Variants in RALYL observed in about 807,000 individuals in gnomAD.
RALYL encodes the protein RALY RNA binding protein like, also known as RNA-binding Raly-like protein.
RALYL carries 29 observed loss-of-function variants against 35.1 expected under a neutral mutation model. The observed-to-expected ratio is 0.83, with a 90% CI of 0.61 to 1.13. The LOEUF (loss-of-function observed/expected upper bound fraction) is 1.13. RALYL is among the 50% of genes most tolerant of loss of function. RALYL has a pLI of 0.00. For synonymous variants in RALYL, 120 were observed against 127.6 expected, an observed-to-expected ratio of 0.94 and a Z score of 0.40; for missense variants, 359 against 360.4, an observed-to-expected ratio of 1.00 and a Z score of 0.03.
At chr8:84,853,239 A>G (rs914824838) in intron 5 of RALYL, among the ~76,000 whole-genome samples, 5 of 152,152 alleles carry the variant, frequency 3.3e-5, no homozygotes, top group Non-Finnish European at 7.3e-5. Context: ...TGCCTCTGAC[A>G]TGGTAACTAG....
intron 5 of RALYL, among the ~76,000 whole-genome samples, chr8:84,850,447 G>A (rs146694021): frequency 7.9e-5 from 12 of 152,268 alleles, no homozygotes; most frequent in African/African-American, 2.6e-4. Context: ...TTTACAGATC[G>A]TTCCTGCTTT....
At chr8:84,736,832 T>G (rs1159854230) in intron 2 of RALYL, among the ~76,000 whole-genome samples, 1 of 152,082 alleles carries the variant, frequency 6.6e-6, no homozygotes, top group Non-Finnish European at 1.5e-5. Context: ...TGTTATCTAC[T>G]TCATGATAGA....
intron 1 of RALYL, among the ~76,000 whole-genome samples, chr8:84,464,130 A>G (rs1218454116): frequency 7.8e-6 from 1 of 128,086 alleles, no homozygotes; most frequent in East Asian, 2.3e-4. Flanking sequence ...CATTAAAACA[A>G]GTTTTTTTTT....
chr8:84,630,880 A>C (rs1024965253), intron 2 of RALYL, among the ~76,000 whole-genome samples: 1 of 152,052 alleles, frequency 6.6e-6, no homozygotes, highest in Non-Finnish European at 1.5e-5. Context: ...GCAAGAAGAA[A>C]AACTTGCAAA....
At chr8:84,651,736 T>C (rs1175329009) in intron 2 of RALYL, among the ~76,000 whole-genome samples, 1 of 151,974 alleles carries the variant, frequency 6.6e-6, no homozygotes, top group African/African-American at 2.4e-5. Context: ...AAATAGACTT[T>C]TGAGAGAAAG....
At chr8:84,345,128 C>A (rs1310010276) in intron 1 of RALYL, among the ~76,000 whole-genome samples, 1 of 148,164 alleles carries the variant, frequency 6.7e-6, no homozygotes, top group Non-Finnish European at 1.5e-5. Context: ...AACTTCCATA[C>A]AGTTTCCCAT....
chr8:84,533,476 A>G (rs2059399872), intron 2 of RALYL, among the ~76,000 whole-genome samples: 1 of 152,200 alleles, frequency 6.6e-6, no homozygotes, highest in Admixed American at 6.5e-5. Context: ...CTATAAATAA[A>G]CATTTGCAAT....
intron 1 of RALYL, among the ~76,000 whole-genome samples, chr8:84,200,784 G>A (rs1323030909): frequency 6.6e-6 from 1 of 152,076 alleles, no homozygotes; most frequent in Non-Finnish European, 1.5e-5. Context: ...CTTTTAATGG[G>A]GGGATGGGAT....
At chr8:84,717,561 C>A (rs1272702823) in intron 2 of RALYL, among the ~76,000 whole-genome samples, 8 of 151,992 alleles carry the variant, frequency 5.3e-5, no homozygotes. Context: ...TTAATATTTA[C>A]CAATATTAAC....
intron 1 of RALYL, among the ~76,000 whole-genome samples, chr8:84,247,745 A>T (rs759331854): frequency 6.4e-4 from 97 of 152,310 alleles, no homozygotes; most frequent in Non-Finnish European, 1.1e-3. Flanking sequence ...AGACACGTCT[A>T]ATCGAAGTGA....
intron 1 of RALYL, among the ~76,000 whole-genome samples, chr8:84,197,556 C>G (rs1443102207): frequency 6.6e-6 from 1 of 152,178 alleles, no homozygotes; most frequent in East Asian, 1.9e-4. Flanking sequence ...GTGTTGTCCT[C>G]CAAACCATTG....
chr8:84,459,168 A>G (rs2050466014), intron 1 of RALYL, among the ~76,000 whole-genome samples: 1 of 151,754 alleles, frequency 6.6e-6, no homozygotes, highest in African/African-American at 2.4e-5. Flanking sequence ...TGTCAACCTA[A>G]CAGAGAATTG....
At chr8:84,512,960 G>C (rs1418737524) in intron 1 of RALYL, among the ~76,000 whole-genome samples, 1 of 152,074 alleles carries the variant, frequency 6.6e-6, no homozygotes. Flanking sequence ...TCAGGTCTGT[G>C]ATGTTTCCAA....
At chr8:84,210,052 A>T (rs1272844007) in intron 1 of RALYL, among the ~76,000 whole-genome samples, 1 of 152,154 alleles carries the variant, frequency 6.6e-6, no homozygotes, top group Non-Finnish European at 1.5e-5. Flanking sequence ...TGACAGCATC[A>T]CTGGAATTAA....
intron 1 of RALYL, among the ~76,000 whole-genome samples, chr8:84,484,800 G>A (rs1008185895): frequency 2.6e-5 from 4 of 151,978 alleles, no homozygotes; most frequent in Non-Finnish European, 5.9e-5. Flanking sequence ...TTATTTTGGG[G>A]CATGATGAGC....
rs2058263514 is a variant in RALYL, at chr8:84,518,983, A to G, written c.-23-10316A>G. Among the ~76,000 whole-genome samples the G allele has an allele frequency of 2.6e-5, 4 of 152,206 alleles. 1 individual carries two copies. In the South Asian group the frequency reaches 8.3e-4, roughly 31 times the overall value. On this transcript the variant is annotated intron_variant, in intron 1 of 8. Coordinates refer to ENST00000521268, the MANE Select transcript of RALYL (RefSeq NM_173848.7). ...GTTTTAAAATGGAGAAAGATGTTTT[A>G]TTCAGTGGAGGAATAAGAGGGATAC...
intron 2 of RALYL, among the ~76,000 whole-genome samples, chr8:84,747,348 A>C (rs10092131): frequency 0.27 from 40,760 of 151,642 alleles, 5,878 homozygotes; most frequent in African/African-American, 0.35. Flanking sequence ...ATCTTACATG[A>C]TTTTTTAAAA....
intron 2 of RALYL, among the ~76,000 whole-genome samples, chr8:84,590,194 A>G (rs1237392887): frequency 6.6e-6 from 1 of 152,228 alleles, no homozygotes; most frequent in Non-Finnish European, 1.5e-5. Context: ...GAGGTTTTGT[A>G]CTTGGGTTCC....
intron 1 of RALYL, among the ~76,000 whole-genome samples, chr8:84,526,161 G>A (rs1305321830): frequency 6.6e-6 from 1 of 151,678 alleles, no homozygotes; most frequent in African/African-American, 2.4e-5. Context: ...CACCATGTTG[G>A]CCAGGCTAGT....
Sources: allele counts gnomAD v4.1 joint callset (sites outside exome capture counted in the v4.1 genomes callset), GRCh38; gene constraint gnomAD v4.1.1; transcripts MANE v1.5; gene names NCBI Gene and HGNC (gene_info 2026-07-23, HGNC 2026-07-21).